Variants in BTBD2 observed in about 807,000 individuals in gnomAD.
BTBD2 encodes BTB/POZ domain-containing protein 2.
A neutral mutation model predicts 44.0 loss-of-function variants in BTBD2; 15 were observed. The ratio of observed to expected loss-of-function variants is 0.34; its 90% CI spans 0.23 to 0.53. BTBD2 has a LOEUF of 0.53. BTBD2 is among the 20% of genes least tolerant of loss of function. The pLI, the probability that BTBD2 is intolerant of heterozygous loss-of-function variation, is 0.95. For missense variants in BTBD2, 657 were observed against 746.4 expected, an observed-to-expected ratio of 0.88 and a Z score of 1.39; for synonymous variants, 443 against 335.9, an observed-to-expected ratio of 1.32 and a Z score of -3.49.
intron 1 of BTBD2, among the ~76,000 whole-genome samples, chr19:2,004,922 C>A (rs964038449): frequency 6.6e-6 from 1 of 151,318 alleles, no homozygotes; most frequent in Non-Finnish European, 1.5e-5. Context: ...CAAGTTCAAG[C>A]GATTCTCCTG....
At chr19:2,009,364 A>C (rs1361028336) in intron 1 of BTBD2, among the ~76,000 whole-genome samples, 1 of 151,750 alleles carries the variant, frequency 6.6e-6, no homozygotes, top group Non-Finnish European at 1.5e-5. Flanking sequence ...ACACCAGGCT[A>C]ATTTTTTGTA....
At position 1,986,551 on chromosome 19, in the gene BTBD2, G is replaced by A. The variant is rs201500465; in HGVS notation, c.1515C>T (p.Ala505=). Reference sequence around the variant, plus strand: ...CCACGGATGTGCCATTGTTGTTCCCGGCCGCGTAGCAAAAGGTGAAGCAGG... The same window carrying A: ...CCACGGATGTGCCATTGTTGTTCCCAGCCGCGTAGCAAAAGGTGAAGCAGG... ...AKTCFTFCYA[A]GNNNGTSVED... is the part of the protein sequence containing the mutation. The change falls in exon 9 of 9, where the codon GCC becomes GCT. Residue 505 remains alanine (A), a synonymous_variant. Coordinates refer to ENST00000255608, the MANE Select transcript of BTBD2 (RefSeq NM_017797.4). 5.3e-5 allele frequency: 85 copies of A among 1,614,094 alleles called. No homozygotes were observed. Among genetic ancestry groups the A allele is most frequent in the Middle Eastern group, 1.7e-4 (1 of 6,060 alleles).
Position 1,997,449 on chromosome 19 carries a change from A to G in BTBD2, c.422T>C (p.Val141Ala). Residue 141 changes from valine (V) to alanine (A), a missense_variant, in exon 2 of 9, where the codon GTG becomes GCG. Val to Ala is a moderately conservative substitution (Grantham distance 64). Coordinates refer to ENST00000255608, the MANE Select transcript of BTBD2 (RefSeq NM_017797.4). ...RIPAHRFVLA[V>A]GSAVFDAMFN... ...CATGGCATCAAAGACGGCGCTGCCC[A>G]CGGCCAGCACGAACCTGGTACGGGA... The G allele has an allele frequency of 6.2e-7, 1 of 1,614,058 alleles. No homozygotes were observed. The highest frequency in any genetic ancestry group is 8.5e-7 in the Non-Finnish European group (1 of 1,179,990).
rs1455126519 is a variant in BTBD2, at chr19:1,985,729, C to G, written c.*759G>C. ...GGCCCCATTCTGCGGCAGGGGAGCTCTGGGGCACAGGGTCTGAGTCCCATC... is the reference window on the plus strand; with the variant it reads ...GGCCCCATTCTGCGGCAGGGGAGCTGTGGGGCACAGGGTCTGAGTCCCATC... On this transcript the variant is annotated 3_prime_UTR_variant, in exon 9 of 9. Transcript: ENST00000255608. The G allele has an allele frequency of 1.3e-5, 2 of 152,506 alleles. No individual in the cohort carries two copies. Among genetic ancestry groups the G allele is most frequent in the African/African-American group, 4.8e-5 (2 of 41,456 alleles). 9.4% of individuals were successfully genotyped at this position (152,506 alleles called of 1,614,324 possible).
Position 2,015,483 on chromosome 19 carries a change from G to C in BTBD2, c.221C>G (p.Ala74Gly). 8.2e-7 allele frequency: 1 copy of C among 1,215,144 alleles called. No homozygotes were observed. 75.3% of individuals were successfully genotyped at this position (1,215,144 alleles called of 1,614,324 possible). The change falls in exon 1 of 9, where the codon GCG (alanine) becomes GGG (glycine). Residue 74 changes from alanine to glycine, a missense_variant. By Grantham distance (60) the Ala-to-Gly change is moderately conservative. This residue lies in a region of BTBD2 where 191 missense variants were observed against 188.5 expected (regional missense o/e 1.01). Transcript: ENST00000255608. ...GPGTDAQAAG[A>G]ERAEEAAGPG... is the part of the protein sequence containing the mutation. ...GCCCGCCGCCTCCTCCGCCCGCTCCGCGCCCGCGGCCTGCGCGTCTGTCCC... is the reference window on the plus strand; with the variant it reads ...GCCCGCCGCCTCCTCCGCCCGCTCCCCGCCCGCGGCCTGCGCGTCTGTCCC...
chr19:1,990,363 C>G (rs1396568350), intron 4 of BTBD2, 162 bp from the exon 5 acceptor site: 15 of 734,508 alleles, frequency 2.0e-5, no homozygotes, highest in Non-Finnish European at 3.3e-5. Flanking sequence ...AAAGCTTTAT[C>G]AACACAAGAC....
intron 5 of BTBD2, chr19:1,989,602 G>C (rs1464515299): frequency 3.4e-6 from 1 of 291,108 alleles, no homozygotes; most frequent in Non-Finnish European, 6.7e-6. Flanking sequence ...TGGAACCCAG[G>C]CCCTGCAGCA....
At chr19:2,000,349 C>T (rs963102081) in intron 1 of BTBD2, among the ~76,000 whole-genome samples, 2 of 152,232 alleles carry the variant, frequency 1.3e-5, no homozygotes, top group African/African-American at 4.8e-5. Flanking sequence ...AATAGAGTAC[C>T]TGTGCGTGGG....
At chr19:2,012,234 C>T (rs2016475377) in intron 1 of BTBD2, among the ~76,000 whole-genome samples, 1 of 150,620 alleles carries the variant, frequency 6.6e-6, no homozygotes, top group Non-Finnish European at 1.5e-5. Flanking sequence ...TTCCCTGCAA[C>T]CTCCACCTCC....
intron 1 of BTBD2, among the ~76,000 whole-genome samples, 170 bp downstream of exon 1, chr19:2,015,127 G>A (rs1356225848): frequency 1.3e-5 from 2 of 149,646 alleles, no homozygotes; most frequent in Non-Finnish European, 3.0e-5. Flanking sequence ...AGTTGGGTTC[G>A]GAGCCTGAGG....
At chr19:2,009,432 T>G (rs1266504916) in intron 1 of BTBD2, among the ~76,000 whole-genome samples, 2 of 151,266 alleles carry the variant, frequency 1.3e-5, no homozygotes, top group Non-Finnish European at 3.0e-5. Context: ...ATTCCTGACC[T>G]CGTGATCCGC....
chr19:1,986,812 C>G lies in BTBD2; in HGVS notation c.1416+18G>C. On this transcript the variant is annotated intron_variant, in intron 8 of 8. Transcript: ENST00000255608. ...GCCAGAGACTCCCACGGAGGGACCC[C>G]TGTCCCCGGCGGCGCACCTTGAGCG... 1 of 1,594,388 alleles carries G rather than the reference C, an allele frequency of 6.3e-7. No homozygotes were observed. Among genetic ancestry groups the G allele is most frequent in the East Asian group, 2.2e-5 (1 of 44,608 alleles).
In BTBD2 at chr19:1,990,840, C is replaced by CG. The variant is rs746590627; in HGVS notation, c.685-19dup. ...AGTCGCGCCTGGCAAGAGACATCGACGGGGGGCGCGGTGGGGACATCAGCA... is the reference window on the plus strand; with the variant it reads ...AGTCGCGCCTGGCAAGAGACATCGACGGGGGGGCGCGGTGGGGACATCAGCA... On this transcript the variant is annotated intron_variant, in intron 3 of 8. Transcript: ENST00000255608. 18 of 1,541,186 alleles carry CG rather than the reference C, an allele frequency of 1.2e-5. No homozygotes were observed. Among genetic ancestry groups the CG allele is most frequent in the Non-Finnish European group, 1.4e-5 (16 of 1,146,058 alleles).
Position 1,987,146 on chromosome 19 carries a change from A to T in BTBD2, c.1269+20T>A, listed in dbSNP as rs566370769. On this transcript the variant is annotated intron_variant, in intron 7 of 8. Coordinates refer to ENST00000255608, the MANE Select transcript of BTBD2 (RefSeq NM_017797.4). Reference sequence around the variant, plus strand: ...ACATGGGCCTGAGTGGGGCCTGGGGATGAGGCTTGGGGCTGGTACCTGGAT... The same window carrying T: ...ACATGGGCCTGAGTGGGGCCTGGGGTTGAGGCTTGGGGCTGGTACCTGGAT... The T allele has an allele frequency of 6.2e-7, 1 of 1,611,894 alleles. No individual in the cohort carries two copies. The highest frequency in any genetic ancestry group is 1.7e-5 in the Admixed American group (1 of 59,962).
chr19:1,992,954 G>GC, intron 3 of BTBD2, 66 bp downstream of exon 3: 5 of 188,592 alleles, frequency 2.7e-5, no homozygotes, highest in South Asian at 1.3e-4. Context: ...GCCTCGGTCC[G>GC]CCCCACCCCG....
In BTBD2 at chr19:1,987,625, G is replaced by A. The variant is rs376203912; in HGVS notation, c.1056C>T (p.Asn352=). 1.2e-6 allele frequency: 2 copies of A among 1,612,538 alleles called. No homozygotes were observed. Among genetic ancestry groups the A allele is most frequent in the Non-Finnish European group, 1.7e-6 (2 of 1,179,742 alleles). The stretch of plus-strand genomic sequence containing the variant: ...CAATGAACTCCACTCGTGGCTTGGG[G>A]TTGACGGTGAAGTGCAGGAAGAGGC... ...VVSLFLHFTV[N]PKPRVEFIDR... The change falls in exon 6 of 9, where the codon AAC becomes AAT. Residue 352 remains asparagine, a synonymous_variant. Transcript: ENST00000255608.
intron 5 of BTBD2, chr19:1,988,712 T>C (rs888046671): frequency 6.6e-6 from 1 of 150,414 alleles, no homozygotes; most frequent in African/African-American, 2.5e-5. Flanking sequence ...CAAGCAATTC[T>C]CCTGCCTCAG....
intron 1 of BTBD2, among the ~76,000 whole-genome samples, chr19:2,001,611 G>A (rs939966054): frequency 6.6e-6 from 1 of 152,244 alleles, no homozygotes; most frequent in African/African-American, 2.4e-5. Flanking sequence ...CCACAGGGCT[G>A]AACCTCCAAG....
At position 1,997,331 on chromosome 19, in the gene BTBD2, C is replaced by T. The variant is rs771243506; in HGVS notation, c.527+13G>A. 1.2e-6 allele frequency: 2 copies of T among 1,614,012 alleles called. No homozygotes were observed. The highest frequency in any genetic ancestry group is 2.2e-5 in the South Asian group (2 of 91,080). ...GGCCCAGCTCCCCAGCAGGAAGCAT[C>T]CGGAAGCATTACTTGAGCAGTGCGA... On this transcript the variant is annotated intron_variant, in intron 2 of 8. Transcript: ENST00000255608.
Sources: allele counts gnomAD v4.1 joint callset (sites outside exome capture counted in the v4.1 genomes callset), GRCh38; gene constraint gnomAD v4.1.1; regional missense constraint gnomAD v4.1.1; transcripts MANE v1.5; gene names NCBI Gene and HGNC (gene_info 2026-07-23, HGNC 2026-07-21).